The following TCF12 variants were observed in gnomAD, a reference collection of about 807,000 sequenced individuals.
TCF12 encodes the protein DNA-binding protein HTF4.
In TCF12, 45 loss-of-function variants were observed where a neutral mutation model predicts 86.0. The ratio of observed to expected loss-of-function variants is 0.52; its 90% CI spans 0.41 to 0.67. The LOEUF (loss-of-function observed/expected upper bound fraction) is 0.67, where lower values mean the gene tolerates loss of function less well. Among genes scored for constraint, TCF12 ranks in the 30% least tolerant of loss-of-function variants. TCF12 has a pLI of 0.00. For synonymous variants in TCF12, 330 were observed against 299.6 expected, an observed-to-expected ratio of 1.10 and a Z score of -1.05; for missense variants, 881 against 859.9, an observed-to-expected ratio of 1.02 and a Z score of -0.31.
chr15:57,207,512 A>G (rs369143286), intron 8 of TCF12, among the ~76,000 whole-genome samples: 10 of 152,094 alleles, frequency 6.6e-5, no homozygotes, highest in African/African-American at 2.4e-4. Flanking sequence ...CTCTACTAAA[A>G]ATACAAAAAT....
intron 5 of TCF12, among the ~76,000 whole-genome samples, chr15:57,094,439 C>T (rs1216798814): frequency 2.0e-5 from 3 of 152,156 alleles, no homozygotes; most frequent in Non-Finnish European, 2.9e-5. Flanking sequence ...TCTTAAATCA[C>T]AATGCAGTTC....
chr15:57,188,976 A>G (rs1271179512), intron 6 of TCF12, among the ~76,000 whole-genome samples: 2 of 152,098 alleles, frequency 1.3e-5, no homozygotes, highest in East Asian at 3.9e-4. Context: ...TTTTGTAGAG[A>G]TGGGACCGCC....
chr15:57,073,835 G>C (rs2069629438), intron 4 of TCF12, among the ~76,000 whole-genome samples: 1 of 152,222 alleles, frequency 6.6e-6, no homozygotes, highest in Middle Eastern at 3.4e-3. Flanking sequence ...TGCAAGCTCT[G>C]CCTCCTGGGT....
intron 6 of TCF12, among the ~76,000 whole-genome samples, chr15:57,170,682 T>TATATATTATATAAAATATATATATATA (rs2055311168): frequency 7.7e-5 from 1 of 13,050 alleles, no homozygotes; most frequent in African/African-American, 3.7e-4. Context: ...TATAATATAT[T>TATATATTATATAAAATATATATATATA]ATATATAATA....
intron 5 of TCF12, among the ~76,000 whole-genome samples, chr15:57,124,962 G>A (rs928584462): frequency 2.7e-4 from 41 of 152,048 alleles, no homozygotes; most frequent in Non-Finnish European, 5.1e-4. Context: ...ATGAGCCACC[G>A]CACCCAGCCA....
At chr15:56,934,208 T>C (rs2060370312) in intron 3 of TCF12, among the ~76,000 whole-genome samples, 1 of 152,140 alleles carries the variant, frequency 6.6e-6, no homozygotes, top group South Asian at 2.1e-4. Flanking sequence ...TCTGCTGTAG[T>C]GACAAAGTTA....
At chr15:57,079,556 C>T (rs552070719) in intron 4 of TCF12, among the ~76,000 whole-genome samples, 7 of 152,256 alleles carry the variant, frequency 4.6e-5, no homozygotes, top group African/African-American at 1.2e-4. Context: ...ACGTAAGATA[C>T]GAGTCAGTAT....
chr15:57,020,153 A>G (rs1053587292), intron 3 of TCF12, among the ~76,000 whole-genome samples: 1 of 152,192 alleles, frequency 6.6e-6, no homozygotes, highest in African/African-American at 2.4e-5. Context: ...ACCTCATGAA[A>G]AGGAAGAGTA....
intron 18 of TCF12, among the ~76,000 whole-genome samples, chr15:57,268,689 A>C (rs6493907): frequency 6.6e-6 from 1 of 152,100 alleles, no homozygotes; most frequent in Non-Finnish European, 1.5e-5. Context: ...AGAACTTTCT[A>C]TAAGCTGTTA....
At chr15:56,918,487 G>C (rs1184210945), upstream of TCF12, 19 of 317,850 alleles carry the variant, frequency 6.0e-5, no homozygotes, top group South Asian at 2.8e-4. Context: ...CGCCTCACCC[G>C]ACCGCGGGCT....
intron 3 of TCF12, among the ~76,000 whole-genome samples, chr15:56,986,654 A>G (rs1230694482): frequency 6.6e-6 from 1 of 152,176 alleles, no homozygotes; most frequent in African/African-American, 2.4e-5. Flanking sequence ...GCTGTTCACA[A>G]CAGAAGTTAC....
At chr15:57,031,209 C>G (rs2066159108) in intron 3 of TCF12, among the ~76,000 whole-genome samples, 1 of 152,170 alleles carries the variant, frequency 6.6e-6, no homozygotes, top group Admixed American at 6.5e-5. Flanking sequence ...GTGGGCTACT[C>G]CTGTTTTCAG....
intron 7 of TCF12, among the ~76,000 whole-genome samples, chr15:57,196,042 A>G (rs546106590): frequency 6.6e-5 from 10 of 152,170 alleles, no homozygotes; most frequent in African/African-American, 1.2e-4. Flanking sequence ...TTTATTGTAT[A>G]GTGTCATTTA....
intron 5 of TCF12, among the ~76,000 whole-genome samples, chr15:57,148,695 A>G: frequency 1.0e-5 from 1 of 99,182 alleles, no homozygotes; most frequent in African/African-American, 3.8e-5. Context: ...AGCCTGGGTG[A>G]CGTGGCAAAA....
intron 15 of TCF12, 71 bp downstream of exon 15, chr15:57,252,563 C>G (rs79833987): frequency 1.5e-6 from 2 of 1,336,130 alleles, no homozygotes; most frequent in African/African-American, 2.9e-5. Flanking sequence ...CATTTAAAAT[C>G]TTTAAGCTGT....
chr15:57,181,916 ATGTC>A (rs1299862513), intron 6 of TCF12, among the ~76,000 whole-genome samples: 1 of 152,182 alleles, frequency 6.6e-6, no homozygotes, highest in Non-Finnish European at 1.5e-5. Context: ...ACAGAGAAAA[ATGTC>A]TGGATGACTG....
rs188877865 is a variant in TCF12 at position 57,035,914 on chromosome 15, C to T, written c.149-27836C>T. The stretch of plus-strand genomic sequence containing the variant: ...GCTCCACCTCCCAGATCAGCAGCGG[C>T]ATTAGATTCTCATAGGAACCAAACC... On this transcript the variant is annotated intron_variant, in intron 3 of 20. Transcript: ENST00000333725. 4.2e-3 allele frequency among the ~76,000 whole-genome samples: 635 copies of T among 152,302 alleles called. 8 individuals carry two copies. The highest frequency in any genetic ancestry group is 0.022 in the Admixed American group (333 of 15,294).
chr15:57,233,360 TTGAGACAGGGTCTCA>T (rs1388786524), intron 11 of TCF12, among the ~76,000 whole-genome samples: 1 of 151,536 alleles, frequency 6.6e-6, no homozygotes, highest in African/African-American at 2.4e-5. Context: ...TTACTTTTTG[TTGAGACAGGGTCTCA>T]TTATGTGGCC....
chr15:57,067,831 ATAAAGG>A (rs1472032651), intron 4 of TCF12, among the ~76,000 whole-genome samples: 1 of 152,182 alleles, frequency 6.6e-6, no homozygotes, highest in African/African-American at 2.4e-5. Flanking sequence ...GAATGTGGTG[ATAAAGG>A]TAAAGCACCT....
Sources: gnomAD v4.1 joint callset for allele counts (sites outside exome capture counted in the v4.1 genomes callset) on GRCh38, gnomAD v4.1.1 for gene constraint, MANE v1.5 for transcripts, NCBI Gene and HGNC (gene_info 2026-07-23, HGNC 2026-07-21) for gene names.